NFIB: variants seen among roughly 807,000 people sequenced by gnomAD.
NFIB encodes the protein nuclear factor 1 B-type.
Under a neutral mutation model 61.5 loss-of-function variants are expected in NFIB, and 11 were observed. The ratio of observed to expected loss-of-function variants is 0.18; its 90% CI spans 0.11 to 0.30. The LOEUF is 0.30. Ranked by LOEUF, NFIB falls within the 10% of genes least tolerant of loss-of-function variation. The pLI, the probability that NFIB is intolerant of heterozygous loss-of-function variation, is 1.00. For synonymous variants in NFIB, 260 were observed against 216.5 expected (o/e 1.20, Z -1.76); for missense variants, 471 against 608.9 (o/e 0.77, Z 2.38).
At chr9:14,289,106 A>G (rs10810122) in intron 2 of NFIB, among the ~76,000 whole-genome samples, 271 of 61,318 alleles carry the variant, frequency 4.4e-3, no homozygotes, top group African/African-American at 0.014. Context: ...GTGTGTGTGT[A>G]TGTGTGTGTG....
At chr9:14,525,643 T>C in the NFIB span, among the ~76,000 whole-genome samples, 1 of 152,188 alleles carries the variant, frequency 6.6e-6, no homozygotes, top group Non-Finnish European at 1.5e-5. Context: ...ACATTAGCCA[T>C]TGGATCTTGC....
Position 14,253,774 on chromosome 9 carries a change from C to T in NFIB, c.562+53215G>A, listed in dbSNP as rs552616924. 2.6e-4 allele frequency among the ~76,000 whole-genome samples: 39 copies of T among 152,240 alleles called. 1 individual carries two copies. The South Asian group carries it at 7.9e-3, about 31-fold the overall frequency. ...TGGGTGCTGCCTCTAGGTATCTTTG[C>T]GGAATTGTTACAGTAAGTAAAACTC... On this transcript the variant is annotated intron_variant, in intron 2 of 10. Transcript: ENST00000380953.
intron 2 of NFIB, among the ~76,000 whole-genome samples, chr9:14,216,426 A>G (rs115847414): frequency 0.037 from 5,695 of 152,034 alleles, 345 homozygotes; most frequent in African/African-American, 0.13. Context: ...GGCCGGAAGC[A>G]GGAGGCAAGT....
At chr9:14,346,296 C>CCCCA (rs1554715701) in intron 1 of NFIB, among the ~76,000 whole-genome samples, 4 of 142,630 alleles carry the variant, frequency 2.8e-5, no homozygotes, top group African/African-American at 7.4e-5. Context: ...CGACACCCCC[C>CCCCA]CCCCGTAACC....
chr9:14,321,438 A>ACACCAAT (rs1337002897), intron 1 of NFIB, among the ~76,000 whole-genome samples: 7 of 152,344 alleles, frequency 4.6e-5, no homozygotes, highest in Admixed American at 4.6e-4. Context: ...GACTTTAAAC[A>ACACCAAT]TTCCAACACA....
chr9:14,122,663 C>G (rs1345686001), intron 7 of NFIB, among the ~76,000 whole-genome samples: 2 of 152,176 alleles, frequency 1.3e-5, no homozygotes, highest in East Asian at 1.9e-4. Context: ...AATCTCAGCT[C>G]ATTTTAACCA....
intron 2 of NFIB, among the ~76,000 whole-genome samples, chr9:14,208,488 C>G (rs141818420): frequency 2.6e-5 from 4 of 151,474 alleles, no homozygotes; most frequent in African/African-American, 7.3e-5. Context: ...TAAAAACAGA[C>G]GTGACTTAAG....
At chr9:14,524,275 A>T in the NFIB span, among the ~76,000 whole-genome samples, 1 of 152,166 alleles carries the variant, frequency 6.6e-6, no homozygotes, top group African/African-American at 2.4e-5. Context: ...CAGTAGACCC[A>T]TTTATATTAA....
intron 6 of NFIB, among the ~76,000 whole-genome samples, chr9:14,140,877 G>A (rs961307096): frequency 3.3e-5 from 5 of 152,178 alleles, no homozygotes; most frequent in African/African-American, 1.2e-4. Flanking sequence ...CAGGGCTACA[G>A]TGAGCCATGA....
chr9:14,379,259 G>C (rs1365868952), intron 1 of NFIB, among the ~76,000 whole-genome samples: 1 of 152,308 alleles, frequency 6.6e-6, no homozygotes, highest in East Asian at 1.9e-4. Flanking sequence ...AGGCCTTTTA[G>C]GGAAGGATAA....
chr9:14,279,629 A>G (rs2058238367), intron 2 of NFIB, among the ~76,000 whole-genome samples: 1 of 152,124 alleles, frequency 6.6e-6, no homozygotes, highest in East Asian at 1.9e-4. Flanking sequence ...AGCACCTAAG[A>G]TATTTTCCAG....
At chr9:14,374,017 C>A (rs910829530) in intron 1 of NFIB, among the ~76,000 whole-genome samples, 2 of 152,098 alleles carry the variant, frequency 1.3e-5, no homozygotes, top group African/African-American at 4.8e-5. Flanking sequence ...GAATACTGTT[C>A]TTTTTATTTC....
chr9:14,339,236 T>C (rs1564017422), intron 1 of NFIB, among the ~76,000 whole-genome samples: 1 of 152,208 alleles, frequency 6.6e-6, no homozygotes, highest in African/African-American at 2.4e-5. Context: ...GTCTGACCTA[T>C]TGTAAGCACT....
At chr9:14,416,892 C>CTTTTTTTTTTTTTTTTTT in the NFIB span, among the ~76,000 whole-genome samples, 3 of 126,936 alleles carry the variant, frequency 2.4e-5, no homozygotes, top group African/African-American at 1.0e-4. Context: ...ACTATTTTTA[C>CTTTTTTTTTTTTTTTTTT]TTTTTTTTTT....
At chr9:14,254,713 T>G (rs549813033) in intron 2 of NFIB, among the ~76,000 whole-genome samples, 2 of 152,326 alleles carry the variant, frequency 1.3e-5, no homozygotes, top group African/African-American at 4.8e-5. Context: ...ATCACATGCT[T>G]ATTAGGGTCT....
intron 3 of NFIB, among the ~76,000 whole-genome samples, chr9:14,171,611 T>C (rs1215124421): frequency 6.6e-6 from 1 of 152,148 alleles, no homozygotes; most frequent in African/African-American, 2.4e-5. Context: ...AAAGGGTTCC[T>C]GGGAAAGAAA....
chr9:14,338,254 C>G (rs1426298125), intron 1 of NFIB, among the ~76,000 whole-genome samples: 3 of 152,028 alleles, frequency 2.0e-5, no homozygotes, highest in Non-Finnish European at 4.4e-5. Flanking sequence ...ATTAGCCGGG[C>G]ATGGTGGCGG....
At chr9:14,152,220 G>C (rs1458752043) in intron 4 of NFIB, among the ~76,000 whole-genome samples, 1 of 152,006 alleles carries the variant, frequency 6.6e-6, no homozygotes, top group Admixed American at 6.6e-5. Flanking sequence ...GATTGTTCAT[G>C]TTATATAATA....
intron 2 of NFIB, among the ~76,000 whole-genome samples, chr9:14,216,060 C>T (rs960701698): frequency 6.6e-6 from 1 of 152,096 alleles, no homozygotes; most frequent in Non-Finnish European, 1.5e-5. Context: ...CTATTGCATA[C>T]AGTAGAATTT....
Sources: allele counts gnomAD v4.1 joint callset (sites outside exome capture counted in the v4.1 genomes callset), GRCh38; gene constraint gnomAD v4.1.1; transcripts MANE v1.5; gene names NCBI Gene and HGNC (gene_info 2026-07-23, HGNC 2026-07-21).